MYLK3: variants seen among roughly 807,000 people sequenced by gnomAD.
MYLK3 encodes the protein myosin light chain kinase 3.
In MYLK3, 55 loss-of-function variants were observed where a neutral mutation model predicts 76.3. The observed-to-expected ratio is 0.72, with a 90% CI of 0.58 to 0.90. The LOEUF is 0.90. Among genes scored for constraint, MYLK3 ranks in the 40% least tolerant of loss-of-function variants. The probability of loss-of-function intolerance (pLI) is 0.00; values close to 1 mark genes in which losing one functional copy is unlikely to be tolerated. For missense variants in MYLK3, 973 were observed against 1,053.6 expected (o/e 0.92, Z 1.06); for synonymous variants, 416 against 425.4 (o/e 0.98, Z 0.27).
intron 4 of MYLK3, 120 bp downstream of exon 4, chr16:46,732,088 T>C (rs987106424): frequency 3.5e-6 from 3 of 845,792 alleles, no homozygotes; most frequent in Admixed American, 3.0e-5. Context: ...TCCCGACTCT[T>C]GGACGCCCCC....
chr16:46,757,453 T>C (rs1198058946), intron 1 of MYLK3: 1 of 985,336 alleles, frequency 1.0e-6, no homozygotes, highest in East Asian at 1.1e-4. Flanking sequence ...CGACGCCCGC[T>C]GCTGGCCTCT....
At chr16:46,757,640 G>C in intron 1 of MYLK3, 2 of 978,006 alleles carry the variant, frequency 2.0e-6, no homozygotes, top group Non-Finnish European at 2.4e-6. Context: ...ACTCAGGCAG[G>C]AGCGATAAGC....
At chr16:46,711,469 C>T (rs569324331) in intron 10 of MYLK3, 2 of 217,912 alleles carry the variant, frequency 9.2e-6, no homozygotes, top group African/African-American at 4.7e-5. Flanking sequence ...CCCTGCCCCC[C>T]ACCCCCTTAC....
chr16:46,743,772 C>T lies in MYLK3; in HGVS notation c.478-3625G>A, dbSNP rs147093577. Among the ~76,000 whole-genome samples, 1,069 of 152,010 alleles carry T rather than the reference C, an allele frequency of 7.0e-3. 9 individuals carry two copies. Among genetic ancestry groups the T allele is most frequent in the Middle Eastern group, 0.014 (4 of 294 alleles). On this transcript the variant is annotated intron_variant, in intron 1 of 12. Transcript: ENST00000394809. ...AATCAATAAGAAAAAGGCAAAAAAA[C>T]AAAATAGGAAAGAGGGGGAAAAGAT...
At chr16:46,739,388 C>T (rs1966894050) in intron 2 of MYLK3, among the ~76,000 whole-genome samples, 1 of 152,082 alleles carries the variant, frequency 6.6e-6, no homozygotes, top group Non-Finnish European at 1.5e-5. Context: ...AGAAAGTAAT[C>T]CATAAACATT....
rs755742409 is a variant in MYLK3 at position 46,747,739 on chromosome 16, C to T, written c.455G>A (p.Ser152Asn). 7.6e-5 allele frequency: 122 copies of T among 1,613,734 alleles called. No homozygotes were observed. The highest frequency in any genetic ancestry group is 9.8e-5 in the Non-Finnish European group (116 of 1,179,926). ...AACCTCCTCAGGGCTGTCACCTGGG[C>T]TGCCTCTCCTCCAGGGCACACGCCC... ...MQGRVPWRRG[S>N]PGDSPEENKE... Residue 152 changes from serine to asparagine, a missense_variant, in exon 1 of 13, where the codon AGC (serine) becomes AAC (asparagine). By Grantham distance (46) the Ser-to-Asn change is conservative. Transcript: ENST00000394809.
chr16:46,749,976 T>A (rs1967100235), upstream of MYLK3, among the ~76,000 whole-genome samples: 1 of 152,036 alleles, frequency 6.6e-6, no homozygotes, highest in Admixed American at 6.6e-5. Context: ...GGGTCTGTTA[T>A]ATTCACCGCC....
intron 8 of MYLK3, 106 bp downstream of exon 8, chr16:46,727,130 C>A: frequency 7.7e-7 from 1 of 1,302,732 alleles, no homozygotes. Flanking sequence ...GACAGAGAGC[C>A]AGGAATGGAA....
At chr16:46,736,414 G>A (rs765759564) in intron 3 of MYLK3, among the ~76,000 whole-genome samples, 6 of 152,214 alleles carry the variant, frequency 3.9e-5, no homozygotes, top group Admixed American at 1.3e-4. Flanking sequence ...AGGGCAGGTA[G>A]TGATCTCCTC....
chr16:46,727,520 T>G (rs1156321960), intron 7 of MYLK3, 143 bp from the exon 8 acceptor site: 14 of 896,018 alleles, frequency 1.6e-5, no homozygotes, highest in Non-Finnish European at 2.3e-5. Context: ...GCCACTGCCC[T>G]TGGGTTTTTT....
upstream of MYLK3, among the ~76,000 whole-genome samples, chr16:46,753,150 G>A (rs567601249): frequency 3.9e-5 from 6 of 152,304 alleles, no homozygotes; most frequent in South Asian, 8.3e-4. Context: ...AGATACAGGC[G>A]AATACAAAAG....
upstream of MYLK3, among the ~76,000 whole-genome samples, chr16:46,749,464 G>A (rs915573310): frequency 6.6e-6 from 1 of 152,236 alleles, no homozygotes; most frequent in African/African-American, 2.4e-5. Context: ...CTGGACATTT[G>A]GAATCTAAAA....
chr16:46,759,008 G>A (rs367657774), intron 1 of MYLK3, among the ~76,000 whole-genome samples: 2 of 152,348 alleles, frequency 1.3e-5, no homozygotes, highest in East Asian at 3.9e-4. Flanking sequence ...AGCCCTGCCA[G>A]GATGAATCAA....
chr16:46,728,984 T>C (rs1675649498), intron 7 of MYLK3, 40 bp downstream of exon 7: 2 of 1,486,940 alleles, frequency 1.3e-6, no homozygotes, highest in Non-Finnish European at 1.9e-6. Context: ...CACTGAGCCC[T>C]GGCTTGAGCC....
chr16:46,743,790 G>T (rs1000259215), intron 1 of MYLK3, among the ~76,000 whole-genome samples: 1 of 152,154 alleles, frequency 6.6e-6, no homozygotes, highest in African/African-American at 2.4e-5. Context: ...GAAAGAGGGG[G>T]AAAAGATATG....
rs144566580 is a variant in MYLK3, at chr16:46,732,367, C to T, written c.1303G>A (p.Asp435Asn). The T allele has an allele frequency of 8.1e-6, 13 of 1,613,620 alleles. No homozygotes were observed. Among genetic ancestry groups the T allele is most frequent in the Admixed American group, 3.3e-5 (2 of 60,030 alleles). The change falls in exon 4 of 13, where the codon GAC becomes AAC. Residue 435 changes from aspartate to asparagine, a missense_variant. Transcript: ENST00000394809. ...AGGGCCCCAACCTCGTGGTCATTGTCGTCACTCCTGGCCAAGCTTGGTCTC... is the reference window on the plus strand; with the variant it reads ...AGGGCCCCAACCTCGTGGTCATTGTTGTCACTCCTGGCCAAGCTTGGTCTC... ...GTRPSLARSD[D>N]NDHEVGALGL...
At chr16:46,742,059 G>T (rs575032251) in intron 1 of MYLK3, among the ~76,000 whole-genome samples, 2 of 152,230 alleles carry the variant, frequency 1.3e-5, no homozygotes, top group South Asian at 2.1e-4. Flanking sequence ...CCATTTTGGG[G>T]TGACAGAATT....
chr16:46,756,822 T>A (rs1967206597), intron 1 of MYLK3, among the ~76,000 whole-genome samples: 1 of 152,150 alleles, frequency 6.6e-6, no homozygotes. Context: ...AAGCAAAATG[T>A]CTAGCACAGC....
At chr16:46,727,608 C>G (rs1413859323) in intron 7 of MYLK3, among the ~76,000 whole-genome samples, 1 of 152,184 alleles carries the variant, frequency 6.6e-6, no homozygotes, top group Non-Finnish European at 1.5e-5. Context: ...CTCACTGCAA[C>G]CTCCGTCTCC....
Sources: gnomAD v4.1 joint callset for allele counts (sites outside exome capture counted in the v4.1 genomes callset) on GRCh38, gnomAD v4.1.1 for gene constraint, MANE v1.5 for transcripts, NCBI Gene and HGNC (gene_info 2026-07-23, HGNC 2026-07-21) for gene names.